The following HEATR4 variants were observed in gnomAD, a reference collection of about 807,000 sequenced individuals.
HEATR4 encodes HEAT repeat-containing protein 4.
In HEATR4, 95 loss-of-function variants were observed where a neutral mutation model predicts 108.8. The ratio of observed to expected loss-of-function variants is 0.87; its 90% CI spans 0.74 to 1.04. The LOEUF (loss-of-function observed/expected upper bound fraction) is 1.04, where lower values mean the gene tolerates loss of function less well. HEATR4 is among the 50% of genes least tolerant of loss of function. HEATR4 has a pLI of 0.00. For synonymous variants in HEATR4, 443 were observed against 459.4 expected, an observed-to-expected ratio of 0.96 and a Z score of 0.46; for missense variants, 1,152 against 1,253.8, an observed-to-expected ratio of 0.92 and a Z score of 1.23.
At chr14:73,484,326 A>G (rs1039314847) in intron 17 of HEATR4, among the ~76,000 whole-genome samples, 1 of 151,740 alleles carries the variant, frequency 6.6e-6, no homozygotes, top group Non-Finnish European at 1.5e-5. Flanking sequence ...CAGATAGTAG[A>G]TATTTCAGGC....
the HEATR4 span, among the ~76,000 whole-genome samples, chr14:73,570,577 G>A: frequency 6.8e-6 from 1 of 147,640 alleles, no homozygotes; most frequent in Admixed American, 6.8e-5. Context: ...TCAAAAAAAA[G>A]ACATTGTAAG....
the HEATR4 span, chr14:73,569,900 A>G: frequency 9.4e-5 from 150 of 1,598,622 alleles, 3 homozygotes; most frequent in Non-Finnish European, 1.1e-4. Context: ...CACCTCCGCT[A>G]ATTGTTCCGT....
the HEATR4 span, chr14:73,569,821 C>G: frequency 6.4e-5 from 102 of 1,599,772 alleles, 2 homozygotes; most frequent in Non-Finnish European, 8.6e-5. Flanking sequence ...TTCCTCCCGC[C>G]CGGGGTGCGG....
At chr14:73,585,750 A>C in the HEATR4 span, among the ~76,000 whole-genome samples, 1 of 149,964 alleles carries the variant, frequency 6.7e-6, no homozygotes, top group Non-Finnish European at 1.5e-5. Flanking sequence ...AATAAAAATC[A>C]TTGCTGTGGA....
intron 15 of HEATR4, among the ~76,000 whole-genome samples, chr14:73,495,837 A>G (rs992636964): frequency 1.3e-5 from 2 of 152,210 alleles, no homozygotes; most frequent in Middle Eastern, 3.4e-3. Flanking sequence ...GAAAAATTAG[A>G]ACAATCCAGG....
rs1595149744 is a variant in HEATR4, at chr14:73,532,646, C to T, written c.-151-2402G>A. Among the ~76,000 whole-genome samples the T allele has an allele frequency of 5.2e-5, 6 of 115,320 alleles. 1 individual carries two copies. Among genetic ancestry groups the T allele is most frequent in the Admixed American group, 2.0e-4 (2 of 10,182 alleles). The allele number at this position is 115,320 out of a possible 152,430, so 75.7% of individuals were successfully genotyped here. A position where few individuals can be genotyped will look rare whatever the true frequency, so the allele number is the denominator to read the frequency against. ...ACCACCATAAAAGAGCGAGAGGGTA[C>T]GTTTTTGGTATGAAAAGTAAAGACT... On this transcript the variant is annotated intron_variant, in intron 1 of 17. Transcript: ENST00000553558.
At chr14:73,591,958 A>G in the HEATR4 span, 8 of 1,369,824 alleles carry the variant, frequency 5.8e-6, no homozygotes, top group Non-Finnish European at 7.5e-6. Context: ...TCCGGCTCCA[A>G]GATGTCAGCA....
At chr14:73,516,657 C>T (rs1887617610) in intron 5 of HEATR4, among the ~76,000 whole-genome samples, 1 of 152,190 alleles carries the variant, frequency 6.6e-6, no homozygotes, top group Non-Finnish European at 1.5e-5. Flanking sequence ...GGCCATGGGC[C>T]TGTACCAGTT....
the HEATR4 span, among the ~76,000 whole-genome samples, chr14:73,568,288 T>C: frequency 6.6e-6 from 1 of 151,528 alleles, no homozygotes; most frequent in Non-Finnish European, 1.5e-5. Context: ...TTTCTCTAAT[T>C]ACACAGGTAG....
At chr14:73,617,202 G>C in the HEATR4 span, 1 of 1,614,188 alleles carries the variant, frequency 6.2e-7, no homozygotes, top group Non-Finnish European at 8.5e-7. Context: ...GGTGCGTTCT[G>C]GTGATCACCT....
At chr14:73,564,948 T>C in the HEATR4 span, among the ~76,000 whole-genome samples, 221 of 151,782 alleles carry the variant, frequency 1.5e-3, no homozygotes, top group African/African-American at 5.0e-3. Flanking sequence ...TTCTCTAACC[T>C]GCTTTTTTCA....
At chr14:73,498,465 T>C in intron 13 of HEATR4, 121 bp from the exon 14 acceptor site, 1 of 844,074 alleles carries the variant, frequency 1.2e-6, no homozygotes, top group Non-Finnish European at 1.8e-6. Context: ...CCATTAGAAT[T>C]TTAGGGATAG....
At chr14:73,501,823 C>T (rs1029745641) in intron 11 of HEATR4, among the ~76,000 whole-genome samples, 1 of 151,428 alleles carries the variant, frequency 6.6e-6, no homozygotes, top group Non-Finnish European at 1.5e-5. Flanking sequence ...GCGTGATCTC[C>T]GCTCACTGCA....
chr14:73,518,984 GTTATTA>G (rs1887805671), intron 5 of HEATR4, 33 bp downstream of exon 5: 8 of 1,580,302 alleles, frequency 5.1e-6, no homozygotes, highest in Non-Finnish European at 6.9e-6. Context: ...CCACATTCCC[GTTATTA>G]ACCCCTGCCT....
chr14:73,593,501 CTAAT>C, the HEATR4 span, among the ~76,000 whole-genome samples: 1 of 148,698 alleles, frequency 6.7e-6, no homozygotes, highest in South Asian at 2.1e-4. Flanking sequence ...ACCACACTGA[CTAAT>C]TAAAAAAAAA....
At chr14:73,567,143 T>C in the HEATR4 span, among the ~76,000 whole-genome samples, 1 of 152,044 alleles carries the variant, frequency 6.6e-6, no homozygotes, top group Admixed American at 6.6e-5. Flanking sequence ...TGCTATGTTG[T>C]CCAGGTTGGT....
At chr14:73,586,899 C>A in the HEATR4 span, among the ~76,000 whole-genome samples, 22 of 151,974 alleles carry the variant, frequency 1.4e-4, no homozygotes, top group Non-Finnish European at 2.9e-5. Context: ...GAGATGGAGT[C>A]TTGCTCTGTT....
intron 17 of HEATR4, among the ~76,000 whole-genome samples, chr14:73,481,745 T>G (rs2140239622): frequency 6.6e-6 from 1 of 152,056 alleles, no homozygotes; most frequent in East Asian, 1.9e-4. Flanking sequence ...CTCGGGAGGC[T>G]GAGGCAGGAG....
the HEATR4 span, among the ~76,000 whole-genome samples, chr14:73,577,569 T>C: frequency 6.7e-6 from 1 of 149,456 alleles, no homozygotes; most frequent in African/African-American, 2.5e-5. Flanking sequence ...CTTGCAATTA[T>C]ATAGTATATG....
Sources: gnomAD v4.1 joint callset for allele counts (sites outside exome capture counted in the v4.1 genomes callset) on GRCh38, gnomAD v4.1.1 for gene constraint, MANE v1.5 for transcripts, NCBI Gene and HGNC (gene_info 2026-07-23, HGNC 2026-07-21) for gene names.